The following MMEL1 variants were observed in gnomAD, a reference collection of about 807,000 sequenced individuals.
MMEL1 encodes membrane metalloendopeptidase like 1.
Under a neutral mutation model 117.1 loss-of-function variants are expected in MMEL1, and 98 were observed. That is an observed-to-expected ratio of 0.84 (90% CI 0.71 to 0.99). The LOEUF (loss-of-function observed/expected upper bound fraction) is 0.99, where lower values mean the gene tolerates loss of function less well. Ranked by LOEUF, MMEL1 falls within the 50% of genes least tolerant of loss-of-function variation. MMEL1 has a pLI of 0.00. For missense variants in MMEL1, 1,014 were observed against 1,049.1 expected (o/e 0.97, Z 0.46); for synonymous variants, 390 against 415.1 (o/e 0.94, Z 0.74).
intron 2 of MMEL1, among the ~76,000 whole-genome samples, chr1:2,616,177 A>T (rs1261761831): frequency 6.6e-6 from 1 of 152,048 alleles, no homozygotes; most frequent in Non-Finnish European, 1.5e-5. Context: ...TCTATAAAAA[A>T]ATTATAAAAC....
intron 2 of MMEL1, among the ~76,000 whole-genome samples, chr1:2,613,031 T>A (rs1645153587): frequency 6.6e-6 from 1 of 152,174 alleles, no homozygotes; most frequent in Non-Finnish European, 1.5e-5. Flanking sequence ...GAGAGGGTGC[T>A]AGAAGCCACA....
intron 17 of MMEL1, 77 bp downstream of exon 17, chr1:2,594,713 C>G (rs1644803313): frequency 3.8e-6 from 5 of 1,299,786 alleles, no homozygotes; most frequent in Non-Finnish European, 5.5e-6. Flanking sequence ...AGTCCCCCGC[C>G]TGGCAGGCAG....
chr1:2,607,915 T>G (rs1645055823), intron 6 of MMEL1, among the ~76,000 whole-genome samples: 1 of 151,770 alleles, frequency 6.6e-6, no homozygotes, highest in Non-Finnish European at 1.5e-5. Context: ...CCGTGGGGAG[T>G]GCCGTCTGAC....
intron 7 of MMEL1, 94 bp from the exon 8 acceptor site, chr1:2,606,460 AG>A: frequency 1.2e-6 from 1 of 861,660 alleles, no homozygotes; most frequent in Non-Finnish European, 1.8e-6. Flanking sequence ...GCCAGGAACT[AG>A]GGGGCCATAG....
intron 6 of MMEL1, among the ~76,000 whole-genome samples, chr1:2,609,034 T>C (rs1260313181): frequency 3.5e-5 from 5 of 144,764 alleles, no homozygotes; most frequent in Non-Finnish European, 6.1e-5. Context: ...ATCCATATAA[T>C]ACACACACAC....
At position 2,606,260 on chromosome 1, in the gene MMEL1, C is replaced by T; in HGVS notation, c.738G>A (p.Arg246=). ...GCGCGGCTCGTACGTAGATGATGTG[C>T]CGGCTGGAGTTCTGGTCGTCGTTCC... ...FIWNDDQNSS[R]HIIYIDQPTL... is the part of the protein sequence containing the mutation. The change falls in exon 8 of 24, where the codon CGG becomes CGA. Residue 246 remains arginine (R), a synonymous_variant. Coordinates refer to ENST00000378412, the MANE Select transcript of MMEL1 (RefSeq NM_033467.4). The T allele has an allele frequency of 1.9e-6, 3 of 1,613,218 alleles. No homozygotes were observed. Among genetic ancestry groups the T allele is most frequent in the Non-Finnish European group, 1.7e-6 (2 of 1,179,844 alleles).
intron 11 of MMEL1, among the ~76,000 whole-genome samples, chr1:2,602,021 C>T (rs777757703): frequency 6.6e-6 from 1 of 152,240 alleles, no homozygotes; most frequent in Non-Finnish European, 1.5e-5. Flanking sequence ...CCACTCCTAC[C>T]CACTTGCCTG....
At chr1:2,602,376 G>C (rs1382074662) in intron 11 of MMEL1, among the ~76,000 whole-genome samples, 1 of 152,092 alleles carries the variant, frequency 6.6e-6, no homozygotes, top group Non-Finnish European at 1.5e-5. Context: ...GCTCCTGGAC[G>C]CTCCCCTGAA....
At chr1:2,606,676 G>A (rs1645034159) in intron 7 of MMEL1, among the ~76,000 whole-genome samples, 1 of 152,168 alleles carries the variant, frequency 6.6e-6, no homozygotes, top group Non-Finnish European at 1.5e-5. Context: ...CCTGGGGCCA[G>A]GGCCTGGCCG....
intron 2 of MMEL1, among the ~76,000 whole-genome samples, chr1:2,623,368 T>C (rs1645320675): frequency 1.3e-5 from 2 of 152,170 alleles, no homozygotes; most frequent in Non-Finnish European, 2.9e-5. Context: ...AAAGCTGCAA[T>C]TGAATATCAT....
At chr1:2,591,438 T>A (rs1229639362) in intron 23 of MMEL1, 119 bp downstream of exon 23, 8 of 824,844 alleles carry the variant, frequency 9.7e-6, no homozygotes, top group Non-Finnish European at 1.6e-5. Flanking sequence ...CTCAGGTTTA[T>A]TCCCAAAATA....
intron 14 of MMEL1, 83 bp from the exon 15 acceptor site, chr1:2,596,190 C>T: frequency 7.7e-7 from 1 of 1,290,556 alleles, no homozygotes; most frequent in Admixed American, 1.9e-5. Context: ...GAGGTCTGGT[C>T]TGAGCCCCGC....
Position 2,604,256 on chromosome 1 carries a change from ATGAAC to A in MMEL1, c.837_841del (p.Gln279HisfsTer70). On this transcript the variant is annotated frameshift_variant, in exon 10 of 24. Coordinates refer to ENST00000378412, the MANE Select transcript of MMEL1 (RefSeq NM_033467.4). LOFTEE classifies it high-confidence loss of function. ...CCGCAGCAACGTGGCCACTGACACC[ATGAAC>A]TGCAGGTAGGCTTCCCGCACCTGGG... The A allele has an allele frequency of 6.2e-7, 1 of 1,612,806 alleles. No homozygotes were observed. The highest frequency in any genetic ancestry group is 1.6e-4 in the Middle Eastern group (1 of 6,062).
rs541590767 is a variant in MMEL1, at chr1:2,617,011, G to A, written c.155-4807C>T. Among the ~76,000 whole-genome samples, 14 of 152,278 alleles carry A rather than the reference G, an allele frequency of 9.2e-5. 1 individual carries two copies. In the South Asian group the frequency reaches 2.5e-3, roughly 27 times the overall value. ...GAGCTAGGCATGTTTTTTCCGTGTC[G>A]TCCCTTAACTTACAGTGCCTCACTT... On this transcript the variant is annotated intron_variant, in intron 2 of 23. Transcript: ENST00000378412.
At chr1:2,616,144 G>C (rs910535716) in intron 2 of MMEL1, among the ~76,000 whole-genome samples, 1 of 151,956 alleles carries the variant, frequency 6.6e-6, no homozygotes, top group Non-Finnish European at 1.5e-5. Flanking sequence ...AGACCAGCCC[G>C]GGCAACATGG....
rs746270975 is a variant in MMEL1 at position 2,609,838 on chromosome 1, G to C, written c.293-7C>G. 1 of 1,599,804 alleles carries C rather than the reference G, an allele frequency of 6.3e-7. No individual in the cohort carries two copies. The highest frequency in any genetic ancestry group is 1.7e-5 in the Admixed American group (1 of 59,092). The stretch of plus-strand genomic sequence containing the variant: ...TTCTGGAGGATCCTGGCAGCTGCTC[G>C]TCCCCATGGCGTGGAGCAGGGAGAG... On this transcript the variant is annotated splice_region_variant and splice_polypyrimidine_tract_variant and intron_variant, in intron 4 of 23. Coordinates refer to ENST00000378412, the MANE Select transcript of MMEL1 (RefSeq NM_033467.4).
chr1:2,617,228 C>T lies in MMEL1; in HGVS notation c.155-5024G>A, dbSNP rs187772835. ...GGATCACGAGGTCAGGAGATCGAGACCATCCCGGCTAACACGGTGAAACCC... is the reference window on the plus strand; with the variant it reads ...GGATCACGAGGTCAGGAGATCGAGATCATCCCGGCTAACACGGTGAAACCC... On this transcript the variant is annotated intron_variant, in intron 2 of 23. Coordinates refer to ENST00000378412, the MANE Select transcript of MMEL1 (RefSeq NM_033467.4). Among the ~76,000 whole-genome samples the T allele has an allele frequency of 3.5e-4, 53 of 152,026 alleles. No individual in the cohort carries two copies. The East Asian group carries it at 7.4e-3, about 21-fold the overall frequency.
intron 8 of MMEL1, 90 bp from the exon 9 acceptor site, chr1:2,605,713 T>C: frequency 2.1e-6 from 2 of 964,054 alleles, no homozygotes; most frequent in Non-Finnish European, 3.2e-6. Context: ...CCCACAGGAC[T>C]GTGCCCCGTG....
At position 2,595,236 on chromosome 1, in the gene MMEL1, C is replaced by T. The variant is rs547667237; in HGVS notation, c.1584+40G>A. On this transcript the variant is annotated intron_variant, in intron 16 of 23. Coordinates refer to ENST00000378412, the MANE Select transcript of MMEL1 (RefSeq NM_033467.4). This position sits in a 1 kb window ranked among gnomAD's most constrained non-coding sequence, Gnocchi z 4.8. ...CCCAGGCAATCAGGGCCCATGTCCACGGTGTGGGGGGCAGTTTAGGGCTGG... is the reference window on the plus strand; with the variant it reads ...CCCAGGCAATCAGGGCCCATGTCCATGGTGTGGGGGGCAGTTTAGGGCTGG... 111 of 1,570,696 alleles carry T rather than the reference C, an allele frequency of 7.1e-5. No homozygotes were observed. In the East Asian group the frequency reaches 1.0e-3, roughly 15 times the overall value.
Sources: gnomAD v4.1 joint callset for allele counts (sites outside exome capture counted in the v4.1 genomes callset) on GRCh38, gnomAD v4.1.1 for gene constraint, Gnocchi (gnomAD v3.1) non-coding constraint, MANE v1.5 for transcripts, NCBI Gene and HGNC (gene_info 2026-07-23, HGNC 2026-07-21) for gene names.